Variants in CRPPA observed in about 807,000 individuals in gnomAD.
CRPPA encodes the protein CDP-L-ribitol pyrophosphorylase A.
Under a neutral mutation model 52.0 loss-of-function variants are expected in CRPPA, and 43 were observed. That is an observed-to-expected ratio of 0.83 (90% CI 0.65 to 1.07). The LOEUF (loss-of-function observed/expected upper bound fraction) is 1.07, where lower values mean the gene tolerates loss of function less well. Ranked by LOEUF, CRPPA falls within the 50% of genes least tolerant of loss-of-function variation. The pLI, the probability that CRPPA is intolerant of heterozygous loss-of-function variation, is 0.00. For synonymous variants in CRPPA, 250 were observed against 203.5 expected (o/e 1.23, Z -1.94); for missense variants, 629 against 551.7 (o/e 1.14, Z -1.40).
At chr7:16,247,016 G>C (rs1353254837) in intron 8 of CRPPA, among the ~76,000 whole-genome samples, 1 of 152,222 alleles carries the variant, frequency 6.6e-6, no homozygotes, top group Non-Finnish European at 1.5e-5. Context: ...TCCAATAGAA[G>C]GCTGTCTCAT....
chr7:16,258,036 G>C (rs1403469774), intron 8 of CRPPA, among the ~76,000 whole-genome samples: 2 of 151,944 alleles, frequency 1.3e-5, no homozygotes, highest in Non-Finnish European at 2.9e-5. Context: ...TTAACATCTG[G>C]AATGCTTCCC....
chr7:16,323,464 G>C (rs1785307117), intron 3 of CRPPA, among the ~76,000 whole-genome samples: 1 of 152,176 alleles, frequency 6.6e-6, no homozygotes, highest in Admixed American at 6.5e-5. Context: ...TTCTATTCTT[G>C]TACCTCTGCT....
intron 9 of CRPPA, among the ~76,000 whole-genome samples, chr7:16,127,930 A>T (rs930240951): frequency 5.3e-5 from 8 of 152,208 alleles, no homozygotes; most frequent in African/African-American, 1.7e-4. Context: ...GTCCCAATTT[A>T]CACTAAGGAA....
intron 9 of CRPPA, among the ~76,000 whole-genome samples, chr7:16,097,456 T>C (rs1472459354): frequency 6.6e-6 from 1 of 152,190 alleles, no homozygotes; most frequent in Non-Finnish European, 1.5e-5. Flanking sequence ...GCTATTTCTC[T>C]ACCACCTATA....
chr7:16,328,147 A>G (rs1441676020), intron 3 of CRPPA, among the ~76,000 whole-genome samples: 1 of 152,204 alleles, frequency 6.6e-6, no homozygotes, highest in Non-Finnish European at 1.5e-5. Flanking sequence ...GGGAGATAAC[A>G]TCTTCTGATT....
At chr7:16,281,539 GA>G (rs989135123) in intron 5 of CRPPA, among the ~76,000 whole-genome samples, 4 of 151,708 alleles carry the variant, frequency 2.6e-5, no homozygotes, top group East Asian at 3.9e-4. Flanking sequence ...TATGCTCATG[GA>G]AAAAAAAGTT....
At position 16,091,720 on chromosome 7, in the gene CRPPA, A is replaced by C; in HGVS notation, c.1331T>G (p.Leu444Arg). The change falls in exon 10 of 10, where the codon CTC (leucine) becomes CGC (arginine). Residue 444 changes from leucine to arginine, a missense_variant. Coordinates refer to ENST00000407010, the MANE Select transcript of CRPPA (RefSeq NM_001101426.4). ...ASLIKERNSG[L>R]IGQLLIA Reference sequence around the variant, plus strand: ...TCATGCTATCAGAAGCTGACCAATGAGTCCAGAATTTCTTTCCTTGATTAA... The same window carrying C: ...TCATGCTATCAGAAGCTGACCAATGCGTCCAGAATTTCTTTCCTTGATTAA... 1 of 1,558,488 alleles carries C rather than the reference A, an allele frequency of 6.4e-7. No homozygotes were observed. Among genetic ancestry groups the C allele is most frequent in the East Asian group, 2.3e-5 (1 of 42,896 alleles).
At chr7:16,409,062 T>G (rs555353272) in intron 1 of CRPPA, among the ~76,000 whole-genome samples, 1 of 152,182 alleles carries the variant, frequency 6.6e-6, no homozygotes, top group African/African-American at 2.4e-5. Context: ...CCACCACACA[T>G]AGCTAATTTT....
At chr7:16,308,927 A>G (rs866938089) in intron 3 of CRPPA, among the ~76,000 whole-genome samples, 13 of 152,244 alleles carry the variant, frequency 8.5e-5, no homozygotes, top group African/African-American at 3.1e-4. Flanking sequence ...TCCTTTGCTT[A>G]TAAGTTACCT....
chr7:16,120,482 G>C (rs970557879), intron 9 of CRPPA, among the ~76,000 whole-genome samples: 6 of 152,126 alleles, frequency 3.9e-5, no homozygotes, highest in African/African-American at 1.4e-4. Context: ...AGTACTTAGA[G>C]AAGGGTAAAC....
At position 16,327,497 on chromosome 7, in the gene CRPPA, G is replaced by A. The variant is rs181970803; in HGVS notation, c.685-18870C>T. Among the ~76,000 whole-genome samples the A allele has an allele frequency of 1.1e-4, 16 of 151,820 alleles. No homozygotes were observed. In the East Asian group the frequency reaches 3.1e-3, roughly 30 times the overall value. On this transcript the variant is annotated intron_variant, in intron 3 of 9. Transcript: ENST00000407010. ...AGTCCCAGCTACTCTGGAGGCTGAG[G>A]CAGGAGAATGGCGTGAACCTGGGAA... is the stretch of plus-strand genomic sequence containing the variant.
intron 9 of CRPPA, among the ~76,000 whole-genome samples, chr7:16,148,836 G>A (rs1166466826): frequency 6.6e-6 from 1 of 152,022 alleles, no homozygotes; most frequent in African/African-American, 2.4e-5. Flanking sequence ...CCAACACAAA[G>A]AATAGATAAA....
At chr7:16,360,446 T>C (rs1321158663) in intron 3 of CRPPA, among the ~76,000 whole-genome samples, 2 of 152,204 alleles carry the variant, frequency 1.3e-5, no homozygotes. Flanking sequence ...GGAGGTCTTA[T>C]ACTTCCTCAT....
At chr7:16,233,336 T>G (rs781216172) in intron 8 of CRPPA, among the ~76,000 whole-genome samples, 1 of 152,074 alleles carries the variant, frequency 6.6e-6, no homozygotes, top group Non-Finnish European at 1.5e-5. Flanking sequence ...CAACACATCT[T>G]AAGTATGCAC....
chr7:16,353,965 C>T lies in CRPPA; in HGVS notation c.684+22127G>A, dbSNP rs1406507267. Among the ~76,000 whole-genome samples the T allele has an allele frequency of 1.2e-4, 18 of 152,216 alleles. No homozygotes were observed. The East Asian group carries it at 3.1e-3, about 26-fold the overall frequency. On this transcript the variant is annotated intron_variant, in intron 3 of 9. Transcript: ENST00000407010. Reference sequence around the variant, plus strand: ...ACAATGAATACACACATCAAAACATCACATTGTACCACATATATATATACA... The same window carrying T: ...ACAATGAATACACACATCAAAACATTACATTGTACCACATATATATATACA...
intron 9 of CRPPA, among the ~76,000 whole-genome samples, chr7:16,134,177 C>A (rs187842181): frequency 8.0e-6 from 1 of 124,992 alleles, no homozygotes; most frequent in Admixed American, 8.0e-5. Flanking sequence ...GTGATCCGCC[C>A]GCCTCGGCCC....
chr7:16,312,020 G>A (rs1183360407), intron 3 of CRPPA, among the ~76,000 whole-genome samples: 1 of 151,954 alleles, frequency 6.6e-6, no homozygotes, highest in Non-Finnish European at 1.5e-5. Flanking sequence ...CACAATTCCT[G>A]CAACTTTATA....
intron 9 of CRPPA, among the ~76,000 whole-genome samples, chr7:16,157,607 C>G (rs1356631018): frequency 6.6e-6 from 1 of 151,956 alleles, no homozygotes; most frequent in Non-Finnish European, 1.5e-5. Flanking sequence ...AAAAAAGGGA[C>G]TATTATATAA....
intron 3 of CRPPA, among the ~76,000 whole-genome samples, chr7:16,316,626 C>T (rs1207856125): frequency 3.9e-5 from 6 of 152,066 alleles, no homozygotes; most frequent in South Asian, 2.1e-4. Flanking sequence ...CTTTGAGAGG[C>T]CAAGGTGGGA....
Sources: gnomAD v4.1 joint callset for allele counts (sites outside exome capture counted in the v4.1 genomes callset) on GRCh38, gnomAD v4.1.1 for gene constraint, MANE v1.5 for transcripts, NCBI Gene and HGNC (gene_info 2026-07-23, HGNC 2026-07-21) for gene names.